Variants in LRMDA observed in about 807,000 individuals in gnomAD.
LRMDA encodes the protein leucine rich melanocyte differentiation associated.
Under a neutral mutation model 29.8 loss-of-function variants are expected in LRMDA, and 18 were observed. That is an observed-to-expected ratio of 0.60 (90% CI 0.42 to 0.90). The LOEUF (loss-of-function observed/expected upper bound fraction) is 0.90, where lower values mean the gene tolerates loss of function less well. Ranked by LOEUF, LRMDA falls within the 40% of genes least tolerant of loss-of-function variation. The pLI is 0.00. For missense variants in LRMDA, 273 were observed against 273.9 expected (o/e 1.00, Z 0.02); for synonymous variants, 125 against 109.4 (o/e 1.14, Z -0.89).
At chr10:75,490,336 TACACACACACACAC>T (rs56077469) in intron 2 of LRMDA, among the ~76,000 whole-genome samples, 46 of 148,612 alleles carry the variant, frequency 3.1e-4, no homozygotes, top group Middle Eastern at 3.5e-3. Flanking sequence ...CATGTACACA[TACACACACACACAC>T]ACACACACAC....
intron 5 of LRMDA, among the ~76,000 whole-genome samples, chr10:76,213,881 T>G (rs1188071817): frequency 6.6e-6 from 1 of 150,944 alleles, no homozygotes; most frequent in Non-Finnish European, 1.5e-5. Flanking sequence ...GGTAATGCTT[T>G]TAAAATTTAG....
chr10:75,600,196 C>T (rs938911546), intron 2 of LRMDA, among the ~76,000 whole-genome samples: 2 of 152,184 alleles, frequency 1.3e-5, no homozygotes, highest in African/African-American at 4.8e-5. Flanking sequence ...CTGTGCTACC[C>T]ATCTGCTTGG....
rs1254279680 is a variant in LRMDA at position 76,019,899 on chromosome 10, G to C, written c.132-16109G>C. Among the ~76,000 whole-genome samples the C allele has an allele frequency of 3.3e-5, 5 of 152,154 alleles. No individual in the cohort carries two copies. In the East Asian group the frequency reaches 9.6e-4, roughly 29 times the overall value. ...GAGCCTGATATCTAAGTCAGGGCTGGGCCTGGGCTTCTGAATTTTTGATAA... is the reference window on the plus strand; with the variant it reads ...GAGCCTGATATCTAAGTCAGGGCTGCGCCTGGGCTTCTGAATTTTTGATAA... On this transcript the variant is annotated intron_variant, in intron 2 of 6. Transcript: ENST00000611255.
intron 2 of LRMDA, among the ~76,000 whole-genome samples, chr10:75,623,029 A>G (rs1220228407): frequency 6.6e-6 from 1 of 152,204 alleles, no homozygotes; most frequent in Non-Finnish European, 1.5e-5. Flanking sequence ...TTAACAAATA[A>G]ACAGGAATCA....
chr10:76,237,480 C>T (rs1021539806), intron 5 of LRMDA, among the ~76,000 whole-genome samples: 2 of 152,162 alleles, frequency 1.3e-5, no homozygotes, highest in Non-Finnish European at 2.9e-5. Flanking sequence ...GAGCTGATTA[C>T]ACTAAGAGAA....
intron 6 of LRMDA, among the ~76,000 whole-genome samples, chr10:76,480,475 A>T (rs1450025042): frequency 6.6e-6 from 1 of 151,992 alleles, no homozygotes; most frequent in East Asian, 1.9e-4. Flanking sequence ...CAATCCATAC[A>T]TTTCACAGAT....
intron 5 of LRMDA, among the ~76,000 whole-genome samples, chr10:76,151,493 G>T (rs910492577): frequency 6.6e-6 from 1 of 152,004 alleles, no homozygotes; most frequent in African/African-American, 2.4e-5. Context: ...TAAACCTCTT[G>T]TATCCTTTGC....
intron 6 of LRMDA, among the ~76,000 whole-genome samples, chr10:76,534,252 G>A (rs1192711160): frequency 6.6e-6 from 1 of 152,080 alleles, no homozygotes; most frequent in Non-Finnish European, 1.5e-5. Flanking sequence ...CCTGCTTTTG[G>A]GGTACCAAGC....
chr10:75,744,537 T>G (rs1382476604), intron 2 of LRMDA, among the ~76,000 whole-genome samples: 1 of 152,172 alleles, frequency 6.6e-6, no homozygotes, highest in Non-Finnish European at 1.5e-5. Flanking sequence ...TCATCAGAGT[T>G]AGTGTTTTAG....
At chr10:75,532,739 C>G (rs1305373734) in intron 2 of LRMDA, among the ~76,000 whole-genome samples, 1 of 152,096 alleles carries the variant, frequency 6.6e-6, no homozygotes, top group African/African-American at 2.4e-5. Context: ...TCACTCAGAT[C>G]CACTTTGTTA....
chr10:75,941,664 C>T (rs574515202), intron 2 of LRMDA, among the ~76,000 whole-genome samples: 61 of 152,226 alleles, frequency 4.0e-4, no homozygotes, highest in African/African-American at 1.4e-3. Context: ...AAGAGCGAGC[C>T]ACCTGGAATG....
At chr10:75,816,534 G>A (rs1181101907) in intron 2 of LRMDA, among the ~76,000 whole-genome samples, 1 of 152,178 alleles carries the variant, frequency 6.6e-6, no homozygotes, top group Non-Finnish European at 1.5e-5. Flanking sequence ...TTTCCCAAAA[G>A]GGTAAAAGGA....
intron 6 of LRMDA, among the ~76,000 whole-genome samples, chr10:76,413,939 T>C (rs1228224570): frequency 6.6e-6 from 1 of 152,204 alleles, no homozygotes; most frequent in East Asian, 1.9e-4. Flanking sequence ...CCATTCATAA[T>C]ACAATTTTGC....
chr10:76,280,309 C>T (rs1840186922), intron 5 of LRMDA, among the ~76,000 whole-genome samples: 1 of 152,110 alleles, frequency 6.6e-6, no homozygotes, highest in African/African-American at 2.4e-5. Context: ...GTATGATTCT[C>T]TTTTTGCCAT....
chr10:75,945,557 C>A (rs986308997), intron 2 of LRMDA, among the ~76,000 whole-genome samples: 3 of 152,182 alleles, frequency 2.0e-5, no homozygotes, highest in Non-Finnish European at 4.4e-5. Context: ...CTTTTGGTTT[C>A]TTTCCGGTAC....
intron 2 of LRMDA, among the ~76,000 whole-genome samples, chr10:75,870,302 T>C (rs1036894733): frequency 3.9e-5 from 6 of 152,238 alleles, no homozygotes; most frequent in Non-Finnish European, 8.8e-5. Flanking sequence ...AGTGTAGTAG[T>C]TGCTGCAGAG....
chr10:76,169,473 T>C (rs955051022), intron 5 of LRMDA, among the ~76,000 whole-genome samples: 8 of 152,192 alleles, frequency 5.3e-5, no homozygotes, highest in Admixed American at 5.2e-4. Flanking sequence ...GGAGCCCTTC[T>C]GTTAGAGCAG....
At chr10:75,996,352 G>A (rs1847461923) in intron 2 of LRMDA, among the ~76,000 whole-genome samples, 1 of 152,182 alleles carries the variant, frequency 6.6e-6, no homozygotes, top group Non-Finnish European at 1.5e-5. Flanking sequence ...TTGGTTCGTT[G>A]CTTTTGGTGA....
At chr10:75,580,082 C>T (rs1840567049) in intron 2 of LRMDA, among the ~76,000 whole-genome samples, 1 of 152,154 alleles carries the variant, frequency 6.6e-6, no homozygotes, top group South Asian at 2.1e-4. Context: ...GGTAATCAGG[C>T]AAGAGAAAGA....
Sources: allele counts gnomAD v4.1 joint callset (sites outside exome capture counted in the v4.1 genomes callset), GRCh38; gene constraint gnomAD v4.1.1; transcripts MANE v1.5; gene names NCBI Gene and HGNC (gene_info 2026-07-23, HGNC 2026-07-21).